The following STX8 variants were observed in gnomAD, a reference collection of about 807,000 sequenced individuals.
STX8 encodes syntaxin 8.
A neutral mutation model predicts 37.5 loss-of-function variants in STX8; 23 were observed. The observed-to-expected ratio is 0.61, with a 90% CI of 0.44 to 0.87. STX8 has a LOEUF of 0.87. Among genes scored for constraint, STX8 ranks in the 40% least tolerant of loss-of-function variants. STX8 has a pLI of 0.00. For missense variants in STX8, 313 were observed against 284.7 expected, an observed-to-expected ratio of 1.10 and a Z score of -0.71; for synonymous variants, 115 against 99.1, an observed-to-expected ratio of 1.16 and a Z score of -0.95.
chr17:9,418,254 A>G (rs1457848499), intron 6 of STX8, among the ~76,000 whole-genome samples: 1 of 152,188 alleles, frequency 6.6e-6, no homozygotes, highest in East Asian at 1.9e-4. Flanking sequence ...AAGTCCCCAT[A>G]TATTTGTTGT....
At chr17:9,405,132 G>A (rs1047522403) in intron 6 of STX8, among the ~76,000 whole-genome samples, 1 of 152,094 alleles carries the variant, frequency 6.6e-6, no homozygotes, top group Non-Finnish European at 1.5e-5. Context: ...AGCTTTTTCT[G>A]TCATAACAAT....
At chr17:9,546,591 GTTTTTTT>G (rs386385626) in intron 3 of STX8, among the ~76,000 whole-genome samples, 14 of 52,214 alleles carry the variant, frequency 2.7e-4, no homozygotes, top group East Asian at 1.3e-3. Flanking sequence ...TACAAAAGTG[GTTTTTTT>G]TTTTTTTTTT....
chr17:9,420,816 T>C (rs1043094493), intron 6 of STX8, among the ~76,000 whole-genome samples: 1 of 152,184 alleles, frequency 6.6e-6, no homozygotes, highest in Non-Finnish European at 1.5e-5. Flanking sequence ...TGATGAGAGT[T>C]TGCACTCTCG....
intron 6 of STX8, among the ~76,000 whole-genome samples, chr17:9,458,246 C>T (rs1025998756): frequency 3.3e-5 from 5 of 151,952 alleles, no homozygotes; most frequent in Non-Finnish European, 2.9e-5. Context: ...GCCTCCTGGG[C>T]TCACGCCATT....
At chr17:9,564,739 T>C (rs1056680272) in intron 2 of STX8, among the ~76,000 whole-genome samples, 11 of 152,234 alleles carry the variant, frequency 7.2e-5, no homozygotes, top group South Asian at 2.1e-4. Flanking sequence ...TCCATGCTCA[T>C]GGACAGCAAG....
chr17:9,529,107 T>C (rs1405209286), intron 4 of STX8, among the ~76,000 whole-genome samples: 1 of 152,170 alleles, frequency 6.6e-6, no homozygotes, highest in East Asian at 1.9e-4. Context: ...GCAGTATTAA[T>C]ACCAGCAATC....
chr17:9,278,250 C>T (rs1355519765), intron 7 of STX8, among the ~76,000 whole-genome samples: 1 of 152,196 alleles, frequency 6.6e-6, no homozygotes, highest in Non-Finnish European at 1.5e-5. Context: ...GAGTTTGAAA[C>T]CAGCCTGACC....
intron 6 of STX8, among the ~76,000 whole-genome samples, chr17:9,399,048 CAAA>C (rs376011880): frequency 4.9e-4 from 42 of 85,598 alleles, no homozygotes; most frequent in Admixed American, 5.0e-4. Flanking sequence ...GACTCCAGCT[CAAA>C]AAAAAAAAAA....
At chr17:9,571,642 G>A (rs924009526) in intron 1 of STX8, among the ~76,000 whole-genome samples, 1 of 148,930 alleles carries the variant, frequency 6.7e-6, no homozygotes, top group African/African-American at 2.5e-5. Context: ...GGGCATAGGC[G>A]TAGTGGCTCA....
At chr17:9,430,713 G>A (rs955154226) in intron 6 of STX8, among the ~76,000 whole-genome samples, 5 of 148,036 alleles carry the variant, frequency 3.4e-5, no homozygotes, top group Non-Finnish European at 7.4e-5. Context: ...GCAGTGGCGT[G>A]ATCTTGGCTC....
At chr17:9,335,074 CTGT>C (rs1910093217) in intron 7 of STX8, among the ~76,000 whole-genome samples, 1 of 152,188 alleles carries the variant, frequency 6.6e-6, no homozygotes, top group Admixed American at 6.5e-5. Context: ...CTGTTCCTAA[CTGT>C]TCTTCCCATC....
At chr17:9,503,230 T>C (rs539906541) in intron 5 of STX8, among the ~76,000 whole-genome samples, 2 of 152,026 alleles carry the variant, frequency 1.3e-5, no homozygotes, top group East Asian at 3.9e-4. Context: ...ACATACTGTA[T>C]AGTTCTATTT....
intron 7 of STX8, among the ~76,000 whole-genome samples, chr17:9,373,826 C>A (rs891204836): frequency 2.6e-5 from 4 of 151,842 alleles, no homozygotes; most frequent in African/African-American, 9.7e-5. Context: ...GTAATCCCAG[C>A]CACTCAGGAG....
At chr17:9,340,018 C>G (rs145504785) in intron 7 of STX8, among the ~76,000 whole-genome samples, 6 of 152,180 alleles carry the variant, frequency 3.9e-5, no homozygotes, top group African/African-American at 9.6e-5. Context: ...CTAAGGCTGA[C>G]GCAACCGCGG....
chr17:9,278,816 C>T (rs900291767), intron 7 of STX8, among the ~76,000 whole-genome samples: 2 of 151,798 alleles, frequency 1.3e-5, no homozygotes, highest in South Asian at 2.1e-4. Context: ...CAGGGGGTAC[C>T]GTGAGTATGG....
chr17:9,286,494 A>T (rs1425922979), intron 7 of STX8, among the ~76,000 whole-genome samples: 2 of 152,176 alleles, frequency 1.3e-5, no homozygotes, highest in African/African-American at 2.4e-5. Flanking sequence ...AAAAGCACTT[A>T]AAAAAGGTTT....
At chr17:9,542,608 C>T (rs552865903) in intron 4 of STX8, among the ~76,000 whole-genome samples, 3 of 151,850 alleles carry the variant, frequency 2.0e-5, no homozygotes, top group South Asian at 2.1e-4. Flanking sequence ...ACCTGGGAGG[C>T]GGAGCTTGCA....
At chr17:9,468,084 A>G (rs1905693534) in intron 6 of STX8, among the ~76,000 whole-genome samples, 1 of 152,170 alleles carries the variant, frequency 6.6e-6, no homozygotes, top group South Asian at 2.1e-4. Flanking sequence ...TAGCGTAGAA[A>G]CAATATAGCG....
rs1285579616 is a variant in STX8 at position 9,276,695 on chromosome 17, G to A, written c.644-26050C>T. On this transcript the variant is annotated intron_variant, in intron 7 of 7. Coordinates refer to ENST00000306357, the MANE Select transcript of STX8 (RefSeq NM_004853.3). ...CTGTTACCCAGGCTGGAGTGCAGTG[G>A]CACGATCTCAGCTCACTGCAACCTC... Among the ~76,000 whole-genome samples the A allele has an allele frequency of 1.3e-5, 2 of 151,824 alleles. 1 individual carries two copies. The highest frequency in any genetic ancestry group is 4.2e-4 in the South Asian group (2 of 4,816).
Sources: gnomAD v4.1 joint callset for allele counts (sites outside exome capture counted in the v4.1 genomes callset) on GRCh38, gnomAD v4.1.1 for gene constraint, MANE v1.5 for transcripts, NCBI Gene and HGNC (gene_info 2026-07-23, HGNC 2026-07-21) for gene names.